Variants in ARAP2 observed in about 807,000 individuals in gnomAD.
ARAP2 encodes arf-GAP with Rho-GAP domain, ANK repeat and PH domain-containing protein 2.
In ARAP2, 148 loss-of-function variants were observed where a neutral mutation model predicts 194.5. The ratio of observed to expected loss-of-function variants is 0.76; its 90% CI spans 0.67 to 0.87. The LOEUF (loss-of-function observed/expected upper bound fraction) is 0.87. Among genes scored for constraint, ARAP2 ranks in the 40% least tolerant of loss-of-function variants. ARAP2 has a pLI of 0.00. For synonymous variants in ARAP2, 695 were observed against 683.5 expected (o/e 1.02, Z -0.26); for missense variants, 2,128 against 1,989.7 (o/e 1.07, Z -1.32).
At chr4:36,242,098 C>T (rs546027314) in intron 1 of ARAP2, among the ~76,000 whole-genome samples, 2 of 152,158 alleles carry the variant, frequency 1.3e-5, no homozygotes, top group Non-Finnish European at 2.9e-5. Flanking sequence ...CCAATACTTA[C>T]AAGTAATAAC....
chr4:36,090,769 C>T (rs74896503), intron 28 of ARAP2, among the ~76,000 whole-genome samples: 298 of 152,078 alleles, frequency 2.0e-3, no homozygotes, highest in African/African-American at 6.7e-3. Flanking sequence ...GTTGGTGGAG[C>T]GTAGAGGATT....
intron 6 of ARAP2, among the ~76,000 whole-genome samples, chr4:36,200,864 G>A (rs975779437): frequency 1.3e-5 from 2 of 152,086 alleles, no homozygotes; most frequent in African/African-American, 4.8e-5. Flanking sequence ...AGTTTTCTCT[G>A]AAGTTGTATC....
At chr4:36,149,974 C>T in intron 16 of ARAP2, among the ~76,000 whole-genome samples, 1 of 152,068 alleles carries the variant, frequency 6.6e-6, no homozygotes, top group Non-Finnish European at 1.5e-5. Context: ...TCATTAATTA[C>T]ATCAAAAAAC....
At chr4:36,148,283 T>C (rs1001042828) in intron 17 of ARAP2, 122 bp downstream of exon 17, 18 of 663,610 alleles carry the variant, frequency 2.7e-5, no homozygotes, top group African/African-American at 3.7e-5. Flanking sequence ...GAAAATCTAA[T>C]GAAGTATGAA....
chr4:36,102,155 T>C (rs904285541), intron 27 of ARAP2, among the ~76,000 whole-genome samples: 4 of 151,970 alleles, frequency 2.6e-5, no homozygotes, highest in Non-Finnish European at 4.4e-5. Flanking sequence ...CTCTTAGGTT[T>C]AGGTATTTAG....
upstream of ARAP2, among the ~76,000 whole-genome samples, chr4:36,244,762 G>C (rs1326560702): frequency 1.3e-5 from 2 of 152,168 alleles, no homozygotes; most frequent in African/African-American, 2.4e-5. Flanking sequence ...CCACCTTCCC[G>C]GGACGGAGAT....
intron 1 of ARAP2, among the ~76,000 whole-genome samples, chr4:36,236,848 C>T (rs918568689): frequency 6.6e-6 from 1 of 152,130 alleles, no homozygotes; most frequent in African/African-American, 2.4e-5. Flanking sequence ...CAATAGTACC[C>T]AGATAAAAAA....
chr4:36,103,801 A>G (rs1717657037), intron 27 of ARAP2, among the ~76,000 whole-genome samples: 1 of 151,948 alleles, frequency 6.6e-6, no homozygotes, highest in South Asian at 2.1e-4. Context: ...GCTAGATTCT[A>G]AAATATATTC....
At chr4:36,145,330 T>C (rs1179840039) in intron 19 of ARAP2, among the ~76,000 whole-genome samples, 1 of 152,008 alleles carries the variant, frequency 6.6e-6, no homozygotes, top group Non-Finnish European at 1.5e-5. Context: ...ATATATACCA[T>C]GGAATACTAC....
chr4:36,126,317 G>A (rs548123539), intron 21 of ARAP2, among the ~76,000 whole-genome samples: 3 of 151,992 alleles, frequency 2.0e-5, no homozygotes, highest in Non-Finnish European at 4.4e-5. Flanking sequence ...AAAAAGTCAT[G>A]CTAGTATGCA....
intron 1 of ARAP2, among the ~76,000 whole-genome samples, chr4:36,232,192 G>T (rs965009465): frequency 1.3e-4 from 20 of 152,206 alleles, no homozygotes; most frequent in Non-Finnish European, 2.6e-4. Flanking sequence ...TGTCACAGCA[G>T]CTGAGCTGAC....
intron 10 of ARAP2, chr4:36,005,648 A>G (rs962770396): frequency 6.6e-6 from 1 of 152,184 alleles, no homozygotes; most frequent in Non-Finnish European, 1.5e-5. Context: ...CATTTGCCAT[A>G]AACTGACCAC....
chr4:36,083,176 G>A (rs1000392105), intron 29 of ARAP2, among the ~76,000 whole-genome samples, 192 bp downstream of exon 29: 4 of 151,940 alleles, frequency 2.6e-5, no homozygotes, highest in African/African-American at 4.8e-5. Context: ...TGGGAACATC[G>A]TCCCTCCTTA....
At chr4:36,182,178 A>T (rs113316911) in intron 8 of ARAP2, among the ~76,000 whole-genome samples, 39 of 152,256 alleles carry the variant, frequency 2.6e-4, no homozygotes, top group African/African-American at 9.1e-4. Context: ...GGACCTCACA[A>T]GTACTTTTTA....
At position 36,229,222 on chromosome 4, in the gene ARAP2, G is replaced by A. The variant is rs755278829; in HGVS notation, c.265C>T (p.Pro89Ser). 1 of 1,613,948 alleles carries A rather than the reference G, an allele frequency of 6.2e-7. No homozygotes were observed. The highest frequency in any genetic ancestry group is 8.5e-7 in the Non-Finnish European group (1 of 1,179,942). Reference sequence around the variant, plus strand: ...GATGGAACATGGTAATCCTTTGAAGGGTCATCATTCTTCTTAGTTTTATGA... The same window carrying A: ...GATGGAACATGGTAATCCTTTGAAGAGTCATCATTCTTCTTAGTTTTATGA... Reference protein sequence around the residue: ...NVHKTKKNDDPSKDYHVPSSD... With the variant: ...NVHKTKKNDDSSKDYHVPSSD... The change falls in exon 2 of 33, where the codon CCT becomes TCT. Residue 89 changes from proline (P) to serine (S), a missense_variant. Transcript: ENST00000303965.
At chr4:36,077,488 G>A (rs946416188) in intron 31 of ARAP2, among the ~76,000 whole-genome samples, 2 of 151,886 alleles carry the variant, frequency 1.3e-5, no homozygotes, top group Non-Finnish European at 2.9e-5. Context: ...AAATTTTCCT[G>A]GCATGTGACA....
intron 15 of ARAP2, among the ~76,000 whole-genome samples, chr4:36,154,146 C>T (rs538590968): frequency 2.2e-4 from 33 of 152,116 alleles, no homozygotes; most frequent in Admixed American, 1.6e-3. Context: ...AAATGTATTA[C>T]GGTAAAGAAT....
intron 27 of ARAP2, among the ~76,000 whole-genome samples, chr4:36,105,236 C>T (rs527241828): frequency 1.3e-5 from 2 of 152,120 alleles, no homozygotes; most frequent in African/African-American, 4.8e-5. Context: ...AGGAGAATCA[C>T]TTGAACCTGG....
chr4:36,094,360 G>A (rs1383804574), intron 27 of ARAP2, among the ~76,000 whole-genome samples: 2 of 152,030 alleles, frequency 1.3e-5, no homozygotes, highest in African/African-American at 4.8e-5. Context: ...GAGACCTTAT[G>A]GCTTACAAAA....
Sources: gnomAD v4.1 joint callset for allele counts (sites outside exome capture counted in the v4.1 genomes callset) on GRCh38, gnomAD v4.1.1 for gene constraint, MANE v1.5 for transcripts, NCBI Gene and HGNC (gene_info 2026-07-23, HGNC 2026-07-21) for gene names.